Variants in SECISBP2L observed in about 807,000 individuals in gnomAD.
SECISBP2L encodes selenocysteine insertion sequence-binding protein 2-like.
SECISBP2L carries 43 observed loss-of-function variants against 114.7 expected under a neutral mutation model. That is an observed-to-expected ratio of 0.38 (90% CI 0.29 to 0.48). SECISBP2L has a LOEUF of 0.48. SECISBP2L is among the 20% of genes least tolerant of loss of function. The pLI, the probability that SECISBP2L is intolerant of heterozygous loss-of-function variation, is 0.98. For missense variants in SECISBP2L, 1,136 were observed against 1,301.1 expected (o/e 0.87, Z 1.95); for synonymous variants, 451 against 439.7 (o/e 1.03, Z -0.32).
intron 7 of SECISBP2L, among the ~76,000 whole-genome samples, chr15:49,021,202 C>A (rs1183020377): frequency 6.6e-6 from 1 of 152,102 alleles, no homozygotes; most frequent in African/African-American, 2.4e-5. Context: ...ACAAAGCAGG[C>A]CCTTACCAGA....
At chr15:49,045,717 T>C (rs1022407546) in intron 1 of SECISBP2L, among the ~76,000 whole-genome samples, 1 of 152,212 alleles carries the variant, frequency 6.6e-6, no homozygotes, top group East Asian at 1.9e-4. Context: ...TACAATTCTT[T>C]GCAAAATAAC....
intron 1 of SECISBP2L, 129 bp downstream of exon 1, chr15:49,046,147 C>A: frequency 9.4e-7 from 1 of 1,060,360 alleles, no homozygotes; most frequent in South Asian, 1.5e-5. Flanking sequence ...AGCTGCCAGG[C>A]TCCCAGGTGA....
At chr15:49,003,603 G>C (rs935462088) in intron 14 of SECISBP2L, among the ~76,000 whole-genome samples, 1 of 152,150 alleles carries the variant, frequency 6.6e-6, no homozygotes, top group Non-Finnish European at 1.5e-5. Flanking sequence ...ATTATTTTGA[G>C]ATACACTCCA....
rs1026918149 is a variant in SECISBP2L, at chr15:49,027,307, A to C, written c.1035+58T>G. 3.1e-6 allele frequency: 4 copies of C among 1,271,024 alleles called. No homozygotes were observed. The African/African-American group carries it at 4.4e-5, about 14-fold the overall frequency. 78.7% of individuals were successfully genotyped at this position (1,271,024 alleles called of 1,614,324 possible). On this transcript the variant is annotated intron_variant, in intron 7 of 17. Coordinates refer to ENST00000559471, the MANE Select transcript of SECISBP2L (RefSeq NM_001193489.2). Reference sequence around the variant, plus strand: ...TATCCACTACACCACTGTAACTAACAAATCTAAAATGACTCATCTCATACC... The same window carrying C: ...TATCCACTACACCACTGTAACTAACCAATCTAAAATGACTCATCTCATACC...
intron 7 of SECISBP2L, 190 bp from the exon 8 acceptor site, chr15:49,019,742 A>G: frequency 2.4e-6 from 1 of 423,610 alleles, no homozygotes; most frequent in Non-Finnish European, 4.0e-6. Context: ...GAAAAATGAG[A>G]CAATTAATCC....
intron 11 of SECISBP2L, 65 bp downstream of exon 11, chr15:49,016,495 G>C: frequency 1.3e-6 from 2 of 1,485,534 alleles, no homozygotes; most frequent in African/African-American, 1.4e-5. Context: ...TAAAAATTTC[G>C]ATTAACAACA....
intron 14 of SECISBP2L, 129 bp downstream of exon 14, chr15:49,009,087 T>G: frequency 1.0e-6 from 1 of 962,328 alleles, no homozygotes; most frequent in South Asian, 1.7e-5. Flanking sequence ...TTAAACAAAA[T>G]CCGAAAGGAG....
rs576428908 is a variant in SECISBP2L at position 49,006,710 on chromosome 15, G to A, written c.2027+2506C>T. On this transcript the variant is annotated intron_variant, in intron 14 of 17. Transcript: ENST00000559471. ...GAATTAGAACATACTCCTTTAGCTCGGAGGAGTTTGTTAACATTGAATTAG... is the reference window on the plus strand; with the variant it reads ...GAATTAGAACATACTCCTTTAGCTCAGAGGAGTTTGTTAACATTGAATTAG... 4.6e-5 allele frequency among the ~76,000 whole-genome samples: 7 copies of A among 151,926 alleles called. No homozygotes were observed. In the East Asian group the frequency reaches 7.7e-4, roughly 17 times the overall value.
At chr15:49,025,144 T>C (rs999171913) in intron 7 of SECISBP2L, among the ~76,000 whole-genome samples, 10 of 152,226 alleles carry the variant, frequency 6.6e-5, no homozygotes, top group Non-Finnish European at 1.5e-4. Flanking sequence ...CCCTTTTAGC[T>C]CTTTTGTTTT....
intron 4 of SECISBP2L, among the ~76,000 whole-genome samples, chr15:49,030,539 AT>A (rs1361756381): frequency 2.6e-5 from 4 of 152,164 alleles, no homozygotes; most frequent in African/African-American, 9.7e-5. Context: ...TCTCATGCTA[AT>A]CCTTTGTCAG....
At chr15:49,000,104 CTTAACGCTGTTACACA>C in intron 15 of SECISBP2L, 117 bp from the exon 16 acceptor site, 1 of 985,132 alleles carries the variant, frequency 1.0e-6, no homozygotes, top group Non-Finnish European at 1.5e-6. Flanking sequence ...ACTTGTAGCA[CTTAACGCTGTTACACA>C]TTATCCTATT....
intron 2 of SECISBP2L, among the ~76,000 whole-genome samples, chr15:49,036,226 AAAG>A (rs1290304615): frequency 6.6e-6 from 1 of 152,182 alleles, no homozygotes; most frequent in Non-Finnish European, 1.5e-5. Context: ...GGTCCAAGGG[AAAG>A]AAGAGAAGAG....
rs146068983 is a variant in SECISBP2L, at chr15:48,996,395, C to T, written c.2595G>A (p.Pro865=). 1.1e-5 allele frequency: 18 copies of T among 1,613,866 alleles called. No homozygotes were observed. The African/African-American group carries it at 1.2e-4, about 11-fold the overall frequency. Residue 865 remains proline (P), a synonymous_variant, in exon 17 of 18, where the codon CCG becomes CCA. Transcript: ENST00000559471. ...ATTCCTTTTCATTTACTTCAGAGAT[C>T]GGTTCAGAAATAACACTGCAGAAAG... ...AISFCSVISE[P]ISEVNEKEYE... is the part of the protein sequence containing the mutation.
At position 49,027,470 on chromosome 15, in the gene SECISBP2L, A is replaced by G; in HGVS notation, c.930T>C (p.Asn310=). 6.3e-7 allele frequency: 1 copy of G among 1,598,696 alleles called. No individual in the cohort carries two copies. The highest frequency in any genetic ancestry group is 1.3e-5 in the African/African-American group (1 of 74,844). The change falls in exon 7 of 18, where the codon AAT becomes AAC. Residue 310 remains asparagine, a synonymous_variant. Coordinates refer to ENST00000559471, the MANE Select transcript of SECISBP2L (RefSeq NM_001193489.2). The part of the protein sequence containing the change: ...VESSMCAGGV[N]WSNVTCQATQ... ...TTGCCTGGCAAGTTACATTGGACCA[A>G]TTTACACCACCTATAACAAATGAAA...
chr15:49,019,913 T>C (rs1902607911), intron 7 of SECISBP2L, among the ~76,000 whole-genome samples: 1 of 152,036 alleles, frequency 6.6e-6, no homozygotes, highest in Non-Finnish European at 1.5e-5. Flanking sequence ...CAAAAAGGAA[T>C]AAACTACAGT....
In SECISBP2L at chr15:49,046,365, T is replaced by C; in HGVS notation, c.-66A>G. On this transcript the variant is annotated 5_prime_UTR_variant, in exon 1 of 18. An upstream start codon of the reference 5' UTR is lost. Coordinates refer to ENST00000559471, the MANE Select transcript of SECISBP2L (RefSeq NM_001193489.2). ...ACAGCGCCTCGGGCCGCTTTCTCCA[T>C]GGCCCCCCGCTCGGGTCCAGACTGG... is the stretch of plus-strand genomic sequence containing the variant. 7.1e-7 allele frequency: 1 copy of C among 1,409,294 alleles called. No homozygotes were observed. Among genetic ancestry groups the C allele is most frequent in the Non-Finnish European group, 9.3e-7 (1 of 1,072,758 alleles). 87.3% of individuals were successfully genotyped at this position (1,409,294 alleles called of 1,614,324 possible). A position where few individuals can be genotyped will look rare whatever the true frequency, so the allele number is the denominator to read the frequency against.
intron 14 of SECISBP2L, 103 bp from the exon 15 acceptor site, chr15:49,001,200 G>T: frequency 1.4e-6 from 1 of 731,766 alleles, no homozygotes; most frequent in South Asian, 2.2e-5. Flanking sequence ...TATATGGTAA[G>T]AAGTTTTCAT....
chr15:49,034,075 T>G (rs1902952979), intron 3 of SECISBP2L, among the ~76,000 whole-genome samples: 1 of 152,158 alleles, frequency 6.6e-6, no homozygotes, highest in South Asian at 2.1e-4. Context: ...CGAAAAGATA[T>G]TTCTTGACCA....
intron 1 of SECISBP2L, among the ~76,000 whole-genome samples, chr15:49,039,740 G>C (rs955616915): frequency 2.6e-5 from 4 of 151,014 alleles, no homozygotes; most frequent in African/African-American, 4.9e-5. Flanking sequence ...ACGTTTCCCA[G>C]GCTGGTCTTG....
Sources: gnomAD v4.1 joint callset for allele counts (sites outside exome capture counted in the v4.1 genomes callset) on GRCh38, gnomAD v4.1.1 for gene constraint, MANE v1.5 for transcripts, NCBI Gene and HGNC (gene_info 2026-07-23, HGNC 2026-07-21) for gene names.